BOP1: variants seen among roughly 807,000 people sequenced by gnomAD.
BOP1 encodes ribosome biogenesis protein BOP1.
BOP1 carries 54 observed loss-of-function variants against 82.9 expected under a neutral mutation model. The ratio of observed to expected loss-of-function variants is 0.65; its 90% CI spans 0.52 to 0.82. BOP1 has a LOEUF of 0.82. Ranked by LOEUF, BOP1 falls within the 40% of genes least tolerant of loss-of-function variation. BOP1 has a pLI of 0.00. For missense variants in BOP1, 1,170 were observed against 1,072.0 expected, an observed-to-expected ratio of 1.09 and a Z score of -1.28; for synonymous variants, 566 against 451.1, an observed-to-expected ratio of 1.25 and a Z score of -3.23.
At chr8:144,271,612 G>C in intron 3 of BOP1, among the ~76,000 whole-genome samples, 1 of 152,252 alleles carries the variant, frequency 6.6e-6, no homozygotes, top group South Asian at 2.1e-4. Context: ...GGCAAGGCCA[G>C]GGCGGGAGGC....
intron 2 of BOP1, among the ~76,000 whole-genome samples, chr8:144,285,977 G>C (rs561583874): frequency 7.2e-5 from 11 of 152,354 alleles, no homozygotes; most frequent in African/African-American, 2.4e-4. Context: ...ACGTGGCCAC[G>C]CTCATGGAAG....
chr8:144,266,467 A>C, intron 3 of BOP1: 1 of 978,612 alleles, frequency 1.0e-6, no homozygotes, highest in Non-Finnish European at 1.2e-6. Flanking sequence ...CGGGACGCAC[A>C]TGTGCGCGCG....
intron 3 of BOP1, among the ~76,000 whole-genome samples, chr8:144,270,565 C>T (rs1244869819): frequency 1.3e-5 from 2 of 152,100 alleles, no homozygotes; most frequent in East Asian, 1.9e-4. Flanking sequence ...GCCGAGGGCC[C>T]GGCCCGCCAG....
At chr8:144,283,736 C>G (rs1814782147) in intron 2 of BOP1, among the ~76,000 whole-genome samples, 2 of 152,228 alleles carry the variant, frequency 1.3e-5, no homozygotes, top group Non-Finnish European at 2.9e-5. Context: ...ATGAGGGAGG[C>G]TGGTGGTGGG....
At chr8:144,279,220 C>T (rs1012869145) in intron 2 of BOP1, among the ~76,000 whole-genome samples, 8 of 152,004 alleles carry the variant, frequency 5.3e-5, no homozygotes, top group Non-Finnish European at 1.0e-4. Context: ...AAGACCACTG[C>T]GTGCCACGAC....
In BOP1 at chr8:144,263,253, C is replaced by T; in HGVS notation, c.1573G>A (p.Val525Met). Reference sequence around the variant, plus strand: ...TGGCAGATGCGCAGCCGCAGGCCCACTTGGCGCTCCTCCTCTGAGGCCTCC... The same window carrying T: ...TGGCAGATGCGCAGCCGCAGGCCCATTTGGCGCTCCTCCTCTGAGGCCTCC... ...WLEASEEERQVGLRLRICHGK... is the reference protein window; with the variant it reads ...WLEASEEERQMGLRLRICHGK... The change falls in exon 12 of 16, where the codon GTG becomes ATG. Residue 525 changes from valine (V) to methionine (M), a missense_variant. Transcript: ENST00000569669. 1.3e-6 allele frequency: 2 copies of T among 1,594,982 alleles called. No homozygotes were observed. The highest frequency in any genetic ancestry group is 1.7e-6 in the Non-Finnish European group (2 of 1,179,262).
intron 1 of BOP1, 28 bp from the exon 2 acceptor site, chr8:144,289,332 A>G (rs1414862801): frequency 6.2e-7 from 1 of 1,607,944 alleles, no homozygotes; most frequent in African/African-American, 1.3e-5. Context: ...GTTGGTGACA[A>G]CTGCCCCTCC....
intron 2 of BOP1, among the ~76,000 whole-genome samples, chr8:144,288,298 G>A (rs1167740362): frequency 3.5e-5 from 5 of 142,328 alleles, no homozygotes; most frequent in South Asian, 4.4e-4. Context: ...TAGGCCGGGC[G>A]TGGTGGCTCA....
intron 2 of BOP1, among the ~76,000 whole-genome samples, chr8:144,284,303 A>G (rs1391930520): frequency 2.0e-5 from 3 of 152,160 alleles, no homozygotes; most frequent in African/African-American, 7.2e-5. Context: ...GTCTCAAACA[A>G]AAAAAAGCAT....
intron 3 of BOP1, among the ~76,000 whole-genome samples, chr8:144,273,540 G>A (rs968022471): frequency 6.6e-6 from 1 of 152,222 alleles, no homozygotes; most frequent in African/African-American, 2.4e-5. Flanking sequence ...GCCACAGGCA[G>A]GGGGAGGGTG....
chr8:144,270,244 G>GTGGGAAGGTGCGGGCCAGCA (rs1331775667), intron 3 of BOP1, among the ~76,000 whole-genome samples: 31 of 152,326 alleles, frequency 2.0e-4, no homozygotes, highest in African/African-American at 7.0e-4. Flanking sequence ...ACAGGAGCAG[G>GTGGGAAGGTGCGGGCCAGCA]TGGGAAGGTG....
chr8:144,267,273 G>A, intron 3 of BOP1: 3 of 1,374,988 alleles, frequency 2.2e-6, no homozygotes, highest in Admixed American at 2.9e-5. Context: ...CACGGGCAGG[G>A]CTCCCCAACA....
At chr8:144,267,259 GC>G in intron 3 of BOP1, 1 of 1,415,882 alleles carries the variant, frequency 7.1e-7, no homozygotes, top group South Asian at 1.5e-5. Context: ...AGGAGGCGAG[GC>G]CACACGGGCA....
At chr8:144,266,429 A>AG in intron 3 of BOP1, 1 of 867,128 alleles carries the variant, frequency 1.2e-6, no homozygotes, top group South Asian at 5.2e-5. Context: ...GCCGCTATAA[A>AG]GGCGCAGCTC....
Position 144,263,407 on chromosome 8 carries a change from A to G in BOP1, c.1425-6T>C. Reference sequence around the variant, plus strand: ...GCAGCAGCACCGAGTCCTCCCTGTGAGCCAGGCCCAGACACGGCCCCTAAG... The same window carrying G: ...GCAGCAGCACCGAGTCCTCCCTGTGGGCCAGGCCCAGACACGGCCCCTAAG... On this transcript the variant is annotated splice_polypyrimidine_tract_variant and splice_region_variant and intron_variant, in intron 11 of 15. Transcript: ENST00000569669. The G allele has an allele frequency of 6.3e-7, 1 of 1,597,810 alleles. No homozygotes were observed.
At chr8:144,263,176 C>T (rs560759224) in intron 12 of BOP1, 35 bp from the exon 13 acceptor site, 14 of 1,592,178 alleles carry the variant, frequency 8.8e-6, no homozygotes, top group Admixed American at 1.7e-5. Context: ...GTGGCTGAGC[C>T]GGGCCCCTCC....
At chr8:144,287,159 G>A (rs932994738) in intron 2 of BOP1, among the ~76,000 whole-genome samples, 12 of 152,070 alleles carry the variant, frequency 7.9e-5, no homozygotes, top group Non-Finnish European at 1.8e-4. Flanking sequence ...ACAGGCACGC[G>A]CCACCACGCC....
At chr8:144,262,563 C>T (rs1490123772) in intron 14 of BOP1, 25 bp downstream of exon 14, 24 of 1,612,912 alleles carry the variant, frequency 1.5e-5, no homozygotes, top group African/African-American at 4.0e-5. Context: ...CTCTGCTGGC[C>T]GCCTCCACCC....
At position 144,280,493 on chromosome 8, in the gene BOP1, G is replaced by A. The variant is rs139093113; in HGVS notation, c.310-4189C>T. ...CTGCCATTCCCAGAGCCTTCGCTGA[G>A]ACGCTGGCGGGATCCCCTGCCCAAG... On this transcript the variant is annotated intron_variant, in intron 2 of 15. Coordinates refer to ENST00000569669, the MANE Select transcript of BOP1 (RefSeq NM_015201.5). Among the ~76,000 whole-genome samples the A allele has an allele frequency of 1.6e-4, 24 of 152,384 alleles. No homozygotes were observed. In the East Asian group the frequency reaches 4.4e-3, roughly 28 times the overall value.
Sources: allele counts gnomAD v4.1 joint callset (sites outside exome capture counted in the v4.1 genomes callset), GRCh38; gene constraint gnomAD v4.1.1; transcripts MANE v1.5; gene names NCBI Gene and HGNC (gene_info 2026-07-23, HGNC 2026-07-21).